CBFA2T3: variants seen among roughly 807,000 people sequenced by gnomAD.
CBFA2T3 encodes transcriptional corepressor CBFA2T3.
CBFA2T3 carries 31 observed loss-of-function variants against 58.6 expected under a neutral mutation model. The observed-to-expected ratio is 0.53, with a 90% confidence interval of 0.40 to 0.71. CBFA2T3 has a LOEUF of 0.71. Among genes scored for constraint, CBFA2T3 ranks in the 30% least tolerant of loss-of-function variants. The pLI, the probability that CBFA2T3 is intolerant of heterozygous loss-of-function variation, is 0.00. For missense variants in CBFA2T3, 1,076 were observed against 963.1 expected, an observed-to-expected ratio of 1.12 and a Z score of -1.55; for synonymous variants, 531 against 421.9, an observed-to-expected ratio of 1.26 and a Z score of -3.17.
intron 1 of CBFA2T3, among the ~76,000 whole-genome samples, chr16:88,975,789 C>G (rs919086049): frequency 6.6e-6 from 1 of 152,266 alleles, no homozygotes; most frequent in African/African-American, 2.4e-5. Context: ...CCGCCAGGAC[C>G]TGCTCAGGGA....
chr16:88,937,855 T>C (rs887556013), intron 1 of CBFA2T3: 1 of 152,182 alleles, frequency 6.6e-6, no homozygotes, highest in African/African-American at 2.4e-5. Context: ...CATTGACAAA[T>C]TGTAGAGTTT....
In CBFA2T3 at chr16:88,901,520, G is replaced by A; in HGVS notation, c.288C>T (p.Ser96=). Reference sequence around the variant, plus strand: ...GCTACTTACGTGTGTGTGGCGTGAAGGAGGGGGGGCGTGTGGCCCCCTGGG... The same window carrying A: ...GCTACTTACGTGTGTGTGGCGTGAAAGAGGGGGGGCGTGTGGCCCCCTGGG... ...AASQGATRPP[S]FTPHTHREDG... The change falls in exon 2 of 12, where the codon TCC becomes TCT. Residue 96 remains serine (S), a synonymous_variant. Transcript: ENST00000268679. The A allele has an allele frequency of 2.0e-6, 3 of 1,477,924 alleles. No homozygotes were observed. The highest frequency in any genetic ancestry group is 2.7e-6 in the Non-Finnish European group (3 of 1,118,892). 91.6% of individuals were successfully genotyped at this position (1,477,924 alleles called of 1,614,324 possible). A position where few individuals can be genotyped will look rare whatever the true frequency, so the allele number is the denominator to read the frequency against.
chr16:88,972,791 G>A (rs900598637), intron 1 of CBFA2T3, among the ~76,000 whole-genome samples: 10 of 152,306 alleles, frequency 6.6e-5, no homozygotes, highest in African/African-American at 2.4e-4. Flanking sequence ...CCAACACCAT[G>A]TGGTCAACAA....
chr16:88,896,823 G>A lies in CBFA2T3; in HGVS notation c.379+1255C>T, dbSNP rs371060263. ...CTGGGCCTGGCCCTCCCTTAGGTGC[G>A]CTTACCAGCCTTGCCCCGGGTGCCT... On this transcript the variant is annotated intron_variant, in intron 3 of 11. Coordinates refer to ENST00000268679, the MANE Select transcript of CBFA2T3 (RefSeq NM_005187.6). Among the ~76,000 whole-genome samples the A allele has an allele frequency of 1.1e-4, 16 of 152,288 alleles. 1 individual carries two copies. In the East Asian group the frequency reaches 1.2e-3, roughly 11 times the overall value.
chr16:88,960,748 T>A lies in CBFA2T3; in HGVS notation c.151+15909A>T, dbSNP rs1305505007. ...GGCACTGGCCTGGGCCACCCGCCTC[T>A]GGGTTTGGTCATGTAGAAACAAACC... On this transcript the variant is annotated intron_variant, in intron 1 of 11. Coordinates refer to ENST00000268679, the MANE Select transcript of CBFA2T3 (RefSeq NM_005187.6). Among the ~76,000 whole-genome samples the A allele has an allele frequency of 2.0e-5, 3 of 152,308 alleles. 1 individual carries two copies. The highest frequency in any genetic ancestry group is 2.0e-4 in the Admixed American group (3 of 15,304).
At chr16:88,961,512 A>G (rs71395360) in intron 1 of CBFA2T3, among the ~76,000 whole-genome samples, 152 of 80,236 alleles carry the variant, frequency 1.9e-3, no homozygotes, top group African/African-American at 2.6e-3. Flanking sequence ...TCAGCGCTGG[A>G]CATTCCCACT....
At chr16:88,893,750 T>C (rs1271353538) in intron 3 of CBFA2T3, among the ~76,000 whole-genome samples, 2 of 152,186 alleles carry the variant, frequency 1.3e-5, no homozygotes, top group Non-Finnish European at 2.9e-5. Context: ...GGGGCTGCTA[T>C]GGAAAGTCCC....
chr16:88,965,491 G>A (rs925134097), intron 1 of CBFA2T3, among the ~76,000 whole-genome samples: 18 of 152,222 alleles, frequency 1.2e-4, no homozygotes, highest in African/African-American at 4.8e-5. Flanking sequence ...GGTGCGCAGC[G>A]CCAGCCACAG....
chr16:88,935,663 T>G (rs1971474023), intron 1 of CBFA2T3, among the ~76,000 whole-genome samples: 1 of 152,160 alleles, frequency 6.6e-6, no homozygotes, highest in Admixed American at 6.5e-5. Flanking sequence ...CCACCCCATT[T>G]TGCAAAGGTG....
intron 1 of CBFA2T3, among the ~76,000 whole-genome samples, chr16:88,923,670 C>T (rs892709267): frequency 2.6e-5 from 4 of 152,204 alleles, no homozygotes; most frequent in East Asian, 1.9e-4. Context: ...GGCCAAGCTG[C>T]GCATCCTCCG....
At chr16:88,887,623 G>A (rs542941381) in intron 5 of CBFA2T3, among the ~76,000 whole-genome samples, 10 of 152,298 alleles carry the variant, frequency 6.6e-5, no homozygotes, top group African/African-American at 2.4e-4. Context: ...TCGGCAAGCA[G>A]GGAATGTTTC....
Position 88,877,060 on chromosome 16 carries a change from G to A in CBFA2T3, c.1878C>T (p.Ala626=). ...SLGPSLPVGA[A]SPSEAGSAGP... is the part of the protein sequence containing the mutation. ...CCGCAGAGCCGGCTTCGCTGGGGCT[G>A]GCAGCACCCACAGGCAGGGAGGGGC... The change falls in exon 12 of 12, where the codon GCC becomes GCT. Residue 626 remains alanine, a synonymous_variant. Transcript: ENST00000268679. 1 of 1,526,078 alleles carries A rather than the reference G, an allele frequency of 6.6e-7. No individual in the cohort carries two copies. The highest frequency in any genetic ancestry group is 1.4e-5 in the African/African-American group (1 of 72,208). The allele number at this position is 1,526,078 out of a possible 1,614,324, so 94.5% of individuals were successfully genotyped here. A position where few individuals can be genotyped will look rare whatever the true frequency, so the allele number is the denominator to read the frequency against.
intron 1 of CBFA2T3, among the ~76,000 whole-genome samples, chr16:88,934,986 C>T (rs1029824378): frequency 1.2e-4 from 19 of 152,308 alleles, no homozygotes; most frequent in African/African-American, 3.6e-4. Context: ...GTGATCCACC[C>T]GCCTTGGCCT....
At chr16:88,877,634 C>T (rs1387635288) in intron 11 of CBFA2T3, among the ~76,000 whole-genome samples, 1 of 152,174 alleles carries the variant, frequency 6.6e-6, no homozygotes, top group East Asian at 1.9e-4. Context: ...ATCTCACCAT[C>T]CGCCTCTGCT....
chr16:88,901,564 G>T lies in CBFA2T3; in HGVS notation c.244C>A (p.Pro82Thr). 1.3e-6 allele frequency: 2 copies of T among 1,483,330 alleles called. No individual in the cohort carries two copies. The highest frequency in any genetic ancestry group is 2.7e-5 in the East Asian group (1 of 37,114). The allele number at this position is 1,483,330 out of a possible 1,614,324, so 91.9% of individuals were successfully genotyped here. ...CCCTGGGATGCGGCAGGCGGTGGGG[G>T]CGGCATGCTGGGGGGTGTGGACCGG... is the stretch of plus-strand genomic sequence containing the variant. ...QPRSTPPSMP[P>T]PPPAASQGAT... The change falls in exon 2 of 12, where the codon CCC becomes ACC. Residue 82 changes from proline (P) to threonine (T), a missense_variant. Physicochemically the swap from Pro to Thr is conservative, Grantham distance 38. Transcript: ENST00000268679.
At chr16:88,931,251 T>G (rs1046582750) in intron 1 of CBFA2T3, among the ~76,000 whole-genome samples, 2 of 152,026 alleles carry the variant, frequency 1.3e-5, no homozygotes, top group African/African-American at 4.8e-5. Context: ...GCGGAGGCAC[T>G]GCTGTGACTC....
chr16:88,975,890 A>G (rs1972846600), intron 1 of CBFA2T3, among the ~76,000 whole-genome samples: 1 of 152,238 alleles, frequency 6.6e-6, no homozygotes, highest in Non-Finnish European at 1.5e-5. Context: ...TGACGGCCTC[A>G]GTGAGAGCCC....
intron 3 of CBFA2T3, among the ~76,000 whole-genome samples, chr16:88,897,459 T>C (rs547975498): frequency 2.0e-5 from 3 of 152,186 alleles, no homozygotes; most frequent in Non-Finnish European, 2.9e-5. Context: ...CACCACCTGG[T>C]AAGAGCCCAT....
Position 88,958,256 on chromosome 16 carries a change from C to T in CBFA2T3, c.151+18401G>A, listed in dbSNP as rs1321195722. Among the ~76,000 whole-genome samples, 3 of 151,680 alleles carry T rather than the reference C, an allele frequency of 2.0e-5. No individual in the cohort carries two copies. Among genetic ancestry groups the T allele is most frequent in the Admixed American group, 1.3e-4 (2 of 15,248 alleles). On this transcript the variant is annotated intron_variant, in intron 1 of 11. Coordinates refer to ENST00000268679, the MANE Select transcript of CBFA2T3 (RefSeq NM_005187.6). The surrounding 1 kb of genome is among the most constrained non-coding windows in gnomAD (Gnocchi z 4.0). The stretch of plus-strand genomic sequence containing the variant: ...GCTATGGCAGAAGAGCTTCGAGAGC[C>T]CAAAGCTCCCAGGGAAGCTTTGAGC...
Sources: gnomAD v4.1 joint callset for allele counts (sites outside exome capture counted in the v4.1 genomes callset) on GRCh38, gnomAD v4.1.1 for gene constraint, Gnocchi (gnomAD v3.1) non-coding constraint, MANE v1.5 for transcripts, NCBI Gene and HGNC (gene_info 2026-07-23, HGNC 2026-07-21) for gene names.